NRXN1: variants seen among roughly 807,000 people sequenced by gnomAD.
The protein encoded by NRXN1 is neurexin 1, also known as neurexin-1.
Under a neutral mutation model 150.9 loss-of-function variants are expected in NRXN1, and 39 were observed. The ratio of observed to expected loss-of-function variants is 0.26; its 90% CI spans 0.20 to 0.34. NRXN1 has a LOEUF of 0.34. Ranked by LOEUF, NRXN1 falls within the 10% of genes least tolerant of loss-of-function variation. NRXN1 has a pLI of 1.00. For missense variants in NRXN1, 1,815 were observed against 1,949.9 expected (o/e 0.93, Z 1.30); for synonymous variants, 924 against 757.0 (o/e 1.22, Z -3.62).
At chr2:50,643,610 A>T (rs1157702795) in intron 5 of NRXN1, among the ~76,000 whole-genome samples, 1 of 151,888 alleles carries the variant, frequency 6.6e-6, no homozygotes, top group Non-Finnish European at 1.5e-5. Context: ...ATCTAATTTT[A>T]CTTTTCCACA....
chr2:50,924,051 A>G (rs190649748), intron 3 of NRXN1, among the ~76,000 whole-genome samples: 197 of 151,938 alleles, frequency 1.3e-3, no homozygotes, highest in African/African-American at 4.6e-3. Context: ...ATATGCTGAT[A>G]GTGGCTTATT....
At chr2:50,141,359 G>C (rs1406575999) in intron 18 of NRXN1, among the ~76,000 whole-genome samples, 1 of 151,638 alleles carries the variant, frequency 6.6e-6, no homozygotes, top group African/African-American at 2.4e-5. Flanking sequence ...GAAACTACTA[G>C]AAAAAAACAT....
intron 5 of NRXN1, among the ~76,000 whole-genome samples, chr2:50,633,641 T>C (rs541448571): frequency 4.6e-5 from 7 of 152,150 alleles, no homozygotes; most frequent in South Asian, 2.1e-4. Context: ...TTCTTCACAG[T>C]AGGAGCACAA....
rs1323686018 is a variant in NRXN1 at position 50,664,396 on chromosome 2, C to CAT, written c.833-40782_833-40781insAT. Reference sequence around the variant, plus strand: ...ACTTTTGAGAATTCAAAGTTTAAAGCGTGTGTGTGTGTGTGTGTGTGTGTG... The same window carrying CAT: ...ACTTTTGAGAATTCAAAGTTTAAAGCATGTGTGTGTGTGTGTGTGTGTGTGTG... On this transcript the variant is annotated intron_variant, in intron 5 of 22. Transcript: ENST00000401669. Among the ~76,000 whole-genome samples the CAT allele has an allele frequency of 3.7e-5, 4 of 108,080 alleles. No homozygotes were observed. In the East Asian group the frequency reaches 9.2e-4, roughly 25 times the overall value. The allele number at this position is 108,080 out of a possible 152,430, so 70.9% of individuals were successfully genotyped here.
intron 2 of NRXN1, among the ~76,000 whole-genome samples, chr2:50,949,335 T>A (rs1489254839): frequency 6.6e-6 from 1 of 152,080 alleles, no homozygotes; most frequent in Non-Finnish European, 1.5e-5. Context: ...CTAATTTAGT[T>A]ACTTACCTTT....
chr2:50,039,748 T>C (rs941138471), intron 21 of NRXN1, among the ~76,000 whole-genome samples: 5 of 152,126 alleles, frequency 3.3e-5, no homozygotes, highest in Admixed American at 1.3e-4. Context: ...AAAATGATGA[T>C]ATAATAAAGG....
At chr2:50,818,551 A>G (rs540144165) in intron 5 of NRXN1, among the ~76,000 whole-genome samples, 1 of 152,214 alleles carries the variant, frequency 6.6e-6, no homozygotes, top group South Asian at 2.1e-4. Flanking sequence ...AGACCTAAAC[A>G]TAAGACCTGC....
At chr2:50,699,491 A>C (rs906864443) in intron 5 of NRXN1, among the ~76,000 whole-genome samples, 2 of 152,096 alleles carry the variant, frequency 1.3e-5, no homozygotes, top group African/African-American at 4.8e-5. Context: ...AGTCAGAGAC[A>C]TCTGAAGCAT....
At chr2:50,361,341 A>T (rs2079171674) in intron 17 of NRXN1, among the ~76,000 whole-genome samples, 1 of 152,140 alleles carries the variant, frequency 6.6e-6, no homozygotes, top group African/African-American at 2.4e-5. Context: ...TTTTGAAAAG[A>T]TCAACAAAAT....
At chr2:50,838,943 C>T (rs1254920159) in intron 5 of NRXN1, among the ~76,000 whole-genome samples, 1 of 152,070 alleles carries the variant, frequency 6.6e-6, no homozygotes, top group Non-Finnish European at 1.5e-5. Context: ...AGCCAAAACA[C>T]TGAGGTGAAA....
chr2:50,222,861 G>A (rs923559379), intron 18 of NRXN1, among the ~76,000 whole-genome samples: 2 of 151,932 alleles, frequency 1.3e-5, no homozygotes, highest in African/African-American at 2.4e-5. Context: ...GAAATTGAAT[G>A]TATATGCATA....
At chr2:50,298,002 G>T (rs1268084586) in intron 17 of NRXN1, among the ~76,000 whole-genome samples, 1 of 151,950 alleles carries the variant, frequency 6.6e-6, no homozygotes, top group Non-Finnish European at 1.5e-5. Flanking sequence ...TCCTCTTTTT[G>T]TGATCAGCAC....
At chr2:50,945,437 C>G (rs1484232754) in intron 2 of NRXN1, among the ~76,000 whole-genome samples, 1 of 151,900 alleles carries the variant, frequency 6.6e-6, no homozygotes, top group Non-Finnish European at 1.5e-5. Context: ...GATTTCCAGC[C>G]TGGGTGACAG....
At chr2:50,846,952 T>A (rs1390508601) in intron 5 of NRXN1, among the ~76,000 whole-genome samples, 2 of 152,150 alleles carry the variant, frequency 1.3e-5, no homozygotes, top group Non-Finnish European at 2.9e-5. Context: ...AAATGGATAG[T>A]CATGGAAAAG....
At position 50,593,659 on chromosome 2, in the gene NRXN1, G is replaced by C. The variant is rs180735596; in HGVS notation, c.1320+26363C>G. Among the ~76,000 whole-genome samples the C allele has an allele frequency of 2.0e-4, 31 of 152,254 alleles. No individual in the cohort carries two copies. In the Middle Eastern group the frequency reaches 0.01, roughly 50 times the overall value. On this transcript the variant is annotated intron_variant, in intron 8 of 22. Coordinates refer to ENST00000401669, the MANE Select transcript of NRXN1 (RefSeq NM_001330078.2). The stretch of plus-strand genomic sequence containing the variant: ...TTAATTGTGTGATGCTATTTTATTT[G>C]TTGCTTGCAAAGGGGAAGGTGATCA...
intron 17 of NRXN1, among the ~76,000 whole-genome samples, chr2:50,243,293 C>A (rs957921146): frequency 2.0e-5 from 3 of 151,420 alleles, no homozygotes; most frequent in African/African-American, 7.3e-5. Context: ...ACAATTATAA[C>A]ATGTCAATAA....
At chr2:50,073,507 C>A (rs1168367160) in intron 19 of NRXN1, among the ~76,000 whole-genome samples, 3 of 152,154 alleles carry the variant, frequency 2.0e-5, no homozygotes, top group African/African-American at 7.2e-5. Context: ...AGTTTCTTTT[C>A]CATGATCCAG....
At position 50,436,667 on chromosome 2, in the gene NRXN1, C is replaced by T. The variant is rs199814119; in HGVS notation, c.3364+28775G>A. On this transcript the variant is annotated intron_variant, in intron 17 of 22. Coordinates refer to ENST00000401669, the MANE Select transcript of NRXN1 (RefSeq NM_001330078.2). ...CAAGGAGATGAGTAGCAGAACCAGT[C>T]ATGGAATCAACATTTTGTACTTCAC... Among the ~76,000 whole-genome samples, 8 of 152,238 alleles carry T rather than the reference C, an allele frequency of 5.3e-5. No individual in the cohort carries two copies. The East Asian group carries it at 1.5e-3, about 29-fold the overall frequency.
At chr2:50,453,921 A>T (rs2087252565) in intron 17 of NRXN1, among the ~76,000 whole-genome samples, 1 of 152,236 alleles carries the variant, frequency 6.6e-6, no homozygotes, top group Admixed American at 6.5e-5. Flanking sequence ...GTAGCATTTC[A>T]CAATGATCTG....
Sources: gnomAD v4.1 joint callset for allele counts (sites outside exome capture counted in the v4.1 genomes callset) on GRCh38, gnomAD v4.1.1 for gene constraint, MANE v1.5 for transcripts, NCBI Gene and HGNC (gene_info 2026-07-23, HGNC 2026-07-21) for gene names.